The following PCDH11X variants were observed in gnomAD, a reference collection of about 807,000 sequenced individuals.
PCDH11X encodes the protein protocadherin-11 X-linked.
PCDH11X carries 18 observed loss-of-function variants against 53.3 expected under a neutral mutation model. That is an observed-to-expected ratio of 0.34 (90% CI 0.23 to 0.50). PCDH11X has a LOEUF of 0.50. Among genes scored for constraint, PCDH11X ranks in the 20% least tolerant of loss-of-function variants. The pLI is 0.98. For synonymous variants in PCDH11X, 279 were observed against 393.3 expected (o/e 0.71, Z 3.44); for missense variants, 570 against 1,032.4 (o/e 0.55, Z 6.14).
intron 7 of PCDH11X, among the ~76,000 whole-genome samples, chrX:92,221,816 C>G (rs1439276699): frequency 9.3e-6 from 1 of 107,501 alleles, no homozygotes; most frequent in Non-Finnish European, 1.9e-5. Context: ...AGCATAATTT[C>G]AGAGCAAACC....
At chrX:92,245,212 C>T (rs926892342) in intron 7 of PCDH11X, among the ~76,000 whole-genome samples, 11 of 112,585 alleles carry the variant, frequency 9.8e-5, no homozygotes, top group African/African-American at 3.5e-4. Context: ...AAATAAAGCT[C>T]AGACCCTATC....
chrX:92,342,431 G>A (rs1442854343), intron 8 of PCDH11X, among the ~76,000 whole-genome samples: 1 of 111,450 alleles, frequency 9.0e-6, no homozygotes, highest in Non-Finnish European at 1.9e-5. Context: ...GTTCACAATG[G>A]CAAAGATGTG....
chrX:92,159,444 T>C (rs2065598002), intron 6 of PCDH11X, among the ~76,000 whole-genome samples: 1 of 106,701 alleles, frequency 9.4e-6, no homozygotes, highest in African/African-American at 3.4e-5. Flanking sequence ...TTTTTAAAGA[T>C]TCCATAGTCT....
intron 1 of PCDH11X, among the ~76,000 whole-genome samples, chrX:91,797,203 C>T (rs1473519243): frequency 9.0e-6 from 1 of 110,675 alleles, no homozygotes; most frequent in African/African-American, 3.3e-5. Context: ...TATAAAATTG[C>T]CTGTCGTTAA....
intron 4 of PCDH11X, among the ~76,000 whole-genome samples, chrX:91,826,211 A>G (rs182245842): frequency 2.7e-5 from 3 of 111,129 alleles, no homozygotes; most frequent in African/African-American, 9.9e-5. Context: ...ACATTTTCTT[A>G]TGTATTTACC....
At chrX:92,509,747 C>G (rs1198659589) in intron 10 of PCDH11X, among the ~76,000 whole-genome samples, 1 of 111,488 alleles carries the variant, frequency 9.0e-6, no homozygotes, top group Non-Finnish European at 1.9e-5. Flanking sequence ...TGCTTCATAG[C>G]AGTTACTTTG....
rs1415557365 is a variant in PCDH11X at position 91,981,002 on chromosome X, AATATATATATATACACTGAATAT to A, written c.3033+101741_3033+101763del. The stretch of plus-strand genomic sequence containing the variant: ...TGAATATATATATATATATACACTG[AATATATATATATACACTGAATAT>A]ATATATATATACACTGAATATATAT... On this transcript the variant is annotated intron_variant, in intron 6 of 10. Coordinates refer to ENST00000682573, the MANE Select transcript of PCDH11X (RefSeq NM_032968.5). Among the ~76,000 whole-genome samples, 463 of 98,274 alleles carry A rather than the reference AATATATATATATACACTGAATAT, an allele frequency of 4.7e-3. 2 individuals are homozygous for A. The highest frequency in any genetic ancestry group is 0.02 in the South Asian group (45 of 2,212). The allele number at this position is 98,274 out of a possible 115,157, so 85.3% of individuals were successfully genotyped here.
intron 6 of PCDH11X, among the ~76,000 whole-genome samples, chrX:91,925,985 A>G (rs1941929837): frequency 9.3e-6 from 1 of 108,091 alleles, no homozygotes; most frequent in Non-Finnish European, 1.9e-5. Context: ...TAGTTGAGAC[A>G]CTTAGAAGAC....
intron 10 of PCDH11X, among the ~76,000 whole-genome samples, chrX:92,474,833 A>G (rs1297641036): frequency 9.2e-6 from 1 of 108,168 alleles, no homozygotes; most frequent in Non-Finnish European, 1.9e-5. Context: ...TGTAGTTATT[A>G]TTTTTTATTG....
intron 6 of PCDH11X, chrX:91,982,917 TG>T: frequency 9.7e-7 from 1 of 1,027,556 alleles, no homozygotes; most frequent in Non-Finnish European, 1.4e-6. Context: ...GTTCACTTTC[TG>T]GTAAATGAGG....
At chrX:92,581,118 GAATA>G (rs1923639712) in intron 10 of PCDH11X, among the ~76,000 whole-genome samples, 1 of 111,677 alleles carries the variant, frequency 9.0e-6, no homozygotes, top group Non-Finnish European at 1.9e-5. Flanking sequence ...GCAATTGATA[GAATA>G]AATAGAGAAA....
rs374810160 is a variant in PCDH11X at position 92,324,413 on chromosome X, C to T, written c.3144+61270C>T. 2.7e-5 allele frequency among the ~76,000 whole-genome samples: 3 copies of T among 111,605 alleles called. No individual in the cohort carries two copies. In the East Asian group the frequency reaches 8.5e-4, roughly 32 times the overall value. ...CACGTCAATAGAGGGAACAATCTGA[C>T]TTAATAGATCAGATACATTTACCTT... On this transcript the variant is annotated intron_variant, in intron 8 of 10. Coordinates refer to ENST00000682573, the MANE Select transcript of PCDH11X (RefSeq NM_032968.5).
At chrX:92,476,056 G>C (rs1465782101) in intron 10 of PCDH11X, among the ~76,000 whole-genome samples, 1 of 111,493 alleles carries the variant, frequency 9.0e-6, no homozygotes. Context: ...CCCAGAGGGA[G>C]GTAACTGAAT....
chrX:92,521,351 C>T (rs768971778), intron 10 of PCDH11X, among the ~76,000 whole-genome samples: 1 of 111,714 alleles, frequency 9.0e-6, no homozygotes, highest in African/African-American at 3.2e-5. Flanking sequence ...CATTAGAGCT[C>T]TTGACTGACC....
intron 9 of PCDH11X, among the ~76,000 whole-genome samples, chrX:92,427,238 A>AT (rs1380756172): frequency 9.2e-6 from 1 of 108,244 alleles, no homozygotes; most frequent in Non-Finnish European, 1.9e-5. Context: ...ACCTAAAACC[A>AT]TTTGGAAGAC....
intron 9 of PCDH11X, among the ~76,000 whole-genome samples, chrX:92,463,790 C>G (rs377222560): frequency 0.02 from 2,243 of 110,365 alleles, 33 homozygotes; most frequent in Middle Eastern, 0.07. Context: ...AATAAAAGGG[C>G]AGAAAATAGA....
chrX:92,298,610 T>C (rs1253626068), intron 8 of PCDH11X, among the ~76,000 whole-genome samples: 1 of 111,560 alleles, frequency 9.0e-6, no homozygotes, highest in Admixed American at 9.6e-5. Flanking sequence ...GTTTTCTTTT[T>C]TTGTTGTGTC....
At chrX:92,235,529 T>C (rs1298110444) in intron 7 of PCDH11X, among the ~76,000 whole-genome samples, 1 of 111,983 alleles carries the variant, frequency 8.9e-6, no homozygotes, top group African/African-American at 3.2e-5. Flanking sequence ...TGATATGATA[T>C]GTCACAATTT....
intron 6 of PCDH11X, among the ~76,000 whole-genome samples, chrX:91,981,438 A>C (rs2062136628): frequency 9.0e-6 from 1 of 110,712 alleles, no homozygotes; most frequent in South Asian, 3.8e-4. Flanking sequence ...ACAATGATGC[A>C]GTATCTGATT....
Sources: gnomAD v4.1 joint callset for allele counts (sites outside exome capture counted in the v4.1 genomes callset) on GRCh38, gnomAD v4.1.1 for gene constraint, MANE v1.5 for transcripts, NCBI Gene and HGNC (gene_info 2026-07-23, HGNC 2026-07-21) for gene names.